Variants in CLEC16A observed in about 807,000 individuals in gnomAD.
The protein encoded by CLEC16A is protein CLEC16A.
In CLEC16A, 51 loss-of-function variants were observed where a neutral mutation model predicts 109.5. That is an observed-to-expected ratio of 0.47 (90% CI 0.37 to 0.59). CLEC16A has a LOEUF of 0.59. Ranked by LOEUF, CLEC16A falls within the 20% of genes least tolerant of loss-of-function variation. The pLI is 0.00. For synonymous variants in CLEC16A, 673 were observed against 564.2 expected (o/e 1.19, Z -2.73); for missense variants, 1,339 against 1,394.0 (o/e 0.96, Z 0.63).
chr16:11,121,689 G>A (rs573029300), intron 20 of CLEC16A, among the ~76,000 whole-genome samples: 1 of 151,676 alleles, frequency 6.6e-6, no homozygotes, highest in South Asian at 2.1e-4. Context: ...AGACCAGCCT[G>A]GCCAACATGG....
chr16:11,019,521 C>T (rs1423059503), intron 11 of CLEC16A, among the ~76,000 whole-genome samples: 1 of 152,224 alleles, frequency 6.6e-6, no homozygotes, highest in Non-Finnish European at 1.5e-5. Context: ...GTAATCCCAA[C>T]ACTTTGGGAG....
chr16:11,035,604 C>T (rs972522946), intron 13 of CLEC16A, among the ~76,000 whole-genome samples: 3 of 152,190 alleles, frequency 2.0e-5, no homozygotes, highest in African/African-American at 7.2e-5. Context: ...CCTCAGCTTC[C>T]TCGTCTATAA....
chr16:11,104,790 C>T (rs186052526), intron 19 of CLEC16A, among the ~76,000 whole-genome samples: 2 of 152,302 alleles, frequency 1.3e-5, no homozygotes, highest in African/African-American at 4.8e-5. Context: ...ATGCATCTGC[C>T]TTCTTCATCC....
rs1442542637 is a variant in CLEC16A at position 10,983,113 on chromosome 16, G to A, written c.1071+122G>A. On this transcript the variant is annotated intron_variant, in intron 10 of 23. Transcript: ENST00000409790. ...ATATAGCAGTGATGATGCATAAGCTGGTCCGGGATTCAGTGAACCTAATCA... is the reference window on the plus strand; with the variant it reads ...ATATAGCAGTGATGATGCATAAGCTAGTCCGGGATTCAGTGAACCTAATCA... 1.2e-5 allele frequency: 7 copies of A among 597,500 alleles called. No homozygotes were observed. In the East Asian group the frequency reaches 2.1e-4, roughly 18 times the overall value. The allele number at this position is 597,500 out of a possible 1,614,324, so 37.0% of individuals were successfully genotyped here.
At chr16:10,970,698 C>G (rs7204430) in intron 4 of CLEC16A, among the ~76,000 whole-genome samples, 14,008 of 152,300 alleles carry the variant, frequency 0.092, 2,138 homozygotes, top group African/African-American at 0.31. Context: ...GCCACCACTC[C>G]CAGCCAATCA....
intron 7 of CLEC16A, among the ~76,000 whole-genome samples, chr16:10,976,167 G>A (rs913471132): frequency 6.6e-6 from 1 of 152,154 alleles, no homozygotes; most frequent in Non-Finnish European, 1.5e-5. Flanking sequence ...ATGCTTTGGA[G>A]GCTGAGGTGG....
intron 10 of CLEC16A, among the ~76,000 whole-genome samples, chr16:10,985,379 A>G (rs1365729885): frequency 1.3e-5 from 2 of 151,796 alleles, no homozygotes; most frequent in Non-Finnish European, 2.9e-5. Context: ...ATCTTCTCCA[A>G]CAGTCAGAAG....
chr16:11,177,125 G>A (rs1042157224), intron 23 of CLEC16A, among the ~76,000 whole-genome samples: 1 of 152,192 alleles, frequency 6.6e-6, no homozygotes, highest in Non-Finnish European at 1.5e-5. Context: ...GGGACCCCCA[G>A]CTCTGTGCAA....
intron 17 of CLEC16A, among the ~76,000 whole-genome samples, chr16:11,049,214 G>T (rs1001786724): frequency 2.0e-5 from 3 of 152,048 alleles, no homozygotes; most frequent in Non-Finnish European, 4.4e-5. Context: ...CACCATGCTG[G>T]CCAGGCTGGT....
At chr16:11,015,798 T>G (rs977041669) in intron 11 of CLEC16A, among the ~76,000 whole-genome samples, 7 of 152,320 alleles carry the variant, frequency 4.6e-5, no homozygotes, top group African/African-American at 1.7e-4. Context: ...CCTGTAACCT[T>G]AGGAAGTACT....
chr16:11,178,481 C>T lies in CLEC16A; in HGVS notation c.2953C>T (p.Pro985Ser). 1 of 1,613,704 alleles carries T rather than the reference C, an allele frequency of 6.2e-7. No individual in the cohort carries two copies. The highest frequency in any genetic ancestry group is 8.5e-7 in the Non-Finnish European group (1 of 1,179,904). ...ETASLSPSLV[P>S]ARQPTISLLC... The stretch of plus-strand genomic sequence containing the variant: ...AGCCAGCCTGTCCCCCAGCCTCGTC[C>T]CTGCCCGGCAGCCCACCATTTCCCT... Residue 985 changes from proline to serine, a missense_variant, in exon 24 of 24, where the codon CCT becomes TCT. Coordinates refer to ENST00000409790, the MANE Select transcript of CLEC16A (RefSeq NM_015226.3). The surrounding 1 kb of genome is among the most constrained non-coding windows in gnomAD (Gnocchi z 6.5).
chr16:11,077,964 CGTG>C (rs1469700265), intron 19 of CLEC16A, among the ~76,000 whole-genome samples: 1 of 135,540 alleles, frequency 7.4e-6, no homozygotes, highest in Non-Finnish European at 1.6e-5. Flanking sequence ...CAAAAAAAAA[CGTG>C]TGTGTGTGTG....
At chr16:11,082,241 A>G (rs1413810077) in intron 19 of CLEC16A, among the ~76,000 whole-genome samples, 2 of 152,224 alleles carry the variant, frequency 1.3e-5, no homozygotes, top group African/African-American at 2.4e-5. Context: ...CACGTGGGAA[A>G]TCGCGACGGC....
intron 22 of CLEC16A, among the ~76,000 whole-genome samples, chr16:11,152,134 G>A (rs2054314084): frequency 6.6e-6 from 1 of 152,178 alleles, no homozygotes; most frequent in Non-Finnish European, 1.5e-5. Context: ...AGCAAGATGC[G>A]CGGAAGGATA....
In CLEC16A at chr16:11,012,453, G is replaced by C. The variant is rs542425113; in HGVS notation, c.1304-7740G>C. 1.1e-3 allele frequency among the ~76,000 whole-genome samples: 169 copies of C among 152,152 alleles called. 1 individual carries two copies. Among genetic ancestry groups the C allele is most frequent in the African/African-American group, 3.9e-3 (161 of 41,532 alleles). On this transcript the variant is annotated intron_variant, in intron 11 of 23. Coordinates refer to ENST00000409790, the MANE Select transcript of CLEC16A (RefSeq NM_015226.3). ...TACTAAAACTACAAAAAATTAACCAGGCGGAATGGCACGTGCCTGTAGTCC... is the reference window on the plus strand; with the variant it reads ...TACTAAAACTACAAAAAATTAACCACGCGGAATGGCACGTGCCTGTAGTCC...
intron 17 of CLEC16A, among the ~76,000 whole-genome samples, chr16:11,050,797 C>T (rs971782065): frequency 4.6e-5 from 7 of 152,224 alleles, no homozygotes; most frequent in Admixed American, 2.0e-4. Context: ...GATCCCAGCA[C>T]GTGCCTGGCA....
At chr16:11,165,032 C>G (rs1327174892) in intron 22 of CLEC16A, among the ~76,000 whole-genome samples, 2 of 152,096 alleles carry the variant, frequency 1.3e-5, no homozygotes, top group Non-Finnish European at 2.9e-5. Flanking sequence ...AGGACTCGCC[C>G]CCCCATATCT....
chr16:11,013,973 G>T (rs2045592264), intron 11 of CLEC16A, among the ~76,000 whole-genome samples: 1 of 151,850 alleles, frequency 6.6e-6, no homozygotes, highest in African/African-American at 2.4e-5. Flanking sequence ...AAGAAATTTG[G>T]ATTCTTTTTT....
chr16:11,067,264 T>A (rs1428748038), intron 19 of CLEC16A, among the ~76,000 whole-genome samples: 2 of 149,342 alleles, frequency 1.3e-5, no homozygotes, highest in African/African-American at 4.9e-5. Flanking sequence ...ACTCTGTCTT[T>A]CCAAGCTTAT....
Sources: allele counts gnomAD v4.1 joint callset (sites outside exome capture counted in the v4.1 genomes callset), GRCh38; gene constraint gnomAD v4.1.1; non-coding constraint Gnocchi (gnomAD v3.1); transcripts MANE v1.5; gene names NCBI Gene and HGNC (gene_info 2026-07-23, HGNC 2026-07-21).